Variants in CHRDL2 observed in about 807,000 individuals in gnomAD.
CHRDL2 encodes chordin-like protein 2.
A neutral mutation model predicts 54.3 loss-of-function variants in CHRDL2; 41 were observed. That is an observed-to-expected ratio of 0.76 (90% confidence interval 0.59 to 0.98). The LOEUF is 0.98. CHRDL2 is among the 50% of genes least tolerant of loss of function. The probability of loss-of-function intolerance (pLI) is 0.00; values close to 1 mark genes in which losing one functional copy is unlikely to be tolerated. For missense variants in CHRDL2, 518 were observed against 562.4 expected (o/e 0.92, Z 0.80); for synonymous variants, 220 against 224.3 (o/e 0.98, Z 0.17).
chr11:74,704,860 G>A, intron 6 of CHRDL2: 1 of 597,692 alleles, frequency 1.7e-6, no homozygotes, highest in Non-Finnish European at 2.9e-6. Context: ...AACTCTCAGA[G>A]GATAGTGATT....
In CHRDL2 at chr11:74,718,780, G is replaced by A. The variant is rs200299090; in HGVS notation, c.135C>T (p.Ser45=). The change falls in exon 2 of 11, where the codon AGC becomes AGT. Residue 45 remains serine, a synonymous_variant. Transcript: ENST00000376332. ...FHGKRYSPGE[S]WHPYLEPQGL... ...CTTGTGGCTCCAAGTAGGGGTGCCAGCTCTCGCCGGGGGAGTATCTCTTCC... is the reference window on the plus strand; with the variant it reads ...CTTGTGGCTCCAAGTAGGGGTGCCAACTCTCGCCGGGGGAGTATCTCTTCC... 1 of 1,613,786 alleles carries A rather than the reference G, an allele frequency of 6.2e-7. No homozygotes were observed. The highest frequency in any genetic ancestry group is 2.2e-5 in the East Asian group (1 of 44,866).
chr11:74,698,654 G>A (rs1315942848), intron 9 of CHRDL2: 1 of 150,404 alleles, frequency 6.6e-6, no homozygotes, highest in Non-Finnish European at 1.5e-5. Flanking sequence ...TGGATGGATG[G>A]ATGGATAGAT....
intron 7 of CHRDL2, 79 bp downstream of exon 7, chr11:74,704,407 G>A: frequency 2.1e-6 from 3 of 1,405,118 alleles, no homozygotes; most frequent in Non-Finnish European, 2.9e-6. Context: ...AGAGGGTTCA[G>A]GGGGTTGGGG....
At chr11:74,702,655 G>A in intron 9 of CHRDL2, 139 bp downstream of exon 9, 1 of 754,858 alleles carries the variant, frequency 1.3e-6, no homozygotes, top group South Asian at 1.7e-5. Flanking sequence ...CTGCATCTTG[G>A]AATCAGGGGC....
chr11:74,723,546 A>G (rs1180335341), intron 1 of CHRDL2, among the ~76,000 whole-genome samples: 1 of 152,174 alleles, frequency 6.6e-6, no homozygotes, highest in African/African-American at 2.4e-5. Flanking sequence ...TTTTTACTTA[A>G]AGAAAGCACT....
chr11:74,727,337 C>T (rs576898128), intron 1 of CHRDL2, among the ~76,000 whole-genome samples: 28 of 152,170 alleles, frequency 1.8e-4, no homozygotes, highest in South Asian at 4.2e-4. Context: ...GTCTAGGGTC[C>T]GGAATTCATC....
At chr11:74,702,252 CAA>C (rs11302036) in intron 9 of CHRDL2, among the ~76,000 whole-genome samples, 390 of 141,486 alleles carry the variant, frequency 2.8e-3, no homozygotes, top group East Asian at 7.8e-3. Context: ...GACCCTGTCT[CAA>C]AAAAAAAAAA....
In CHRDL2 at chr11:74,703,509, G is replaced by T. The variant is rs749229986; in HGVS notation, c.752-10C>A. The stretch of plus-strand genomic sequence containing the variant: ...CCGCCATGCACACAGGCTGAATAAG[G>T]AGGGTGAGAAGGAAGGAGGATCAGG... On this transcript the variant is annotated splice_polypyrimidine_tract_variant and intron_variant, in intron 7 of 10. Coordinates refer to ENST00000376332, the MANE Select transcript of CHRDL2 (RefSeq NM_001278473.3). The T allele has an allele frequency of 6.4e-7, 1 of 1,570,852 alleles. No homozygotes were observed. Among genetic ancestry groups the T allele is most frequent in the South Asian group, 1.2e-5 (1 of 85,932 alleles).
intron 1 of CHRDL2, among the ~76,000 whole-genome samples, chr11:74,727,501 C>T (rs940369839): frequency 6.6e-6 from 1 of 152,186 alleles, no homozygotes; most frequent in Admixed American, 6.5e-5. Context: ...ATCTTCTGGG[C>T]TCAAGCAATC....
At chr11:74,717,811 C>A (rs2034402796) in intron 2 of CHRDL2, among the ~76,000 whole-genome samples, 1 of 151,434 alleles carries the variant, frequency 6.6e-6, no homozygotes, top group Admixed American at 6.6e-5. Flanking sequence ...GCTACCCCTC[C>A]CTCCAAGCAC....
At position 74,703,057 on chromosome 11, in the gene CHRDL2, G is replaced by A. The variant is rs2033882600; in HGVS notation, c.947-90C>T. On this transcript the variant is annotated intron_variant, in intron 8 of 10. Transcript: ENST00000376332. ...TATTCTAAAATGTTGTGACTTCATG[G>A]AATCCGGAACATTACTGATTCTATG... The A allele has an allele frequency of 2.3e-6, 3 of 1,321,948 alleles. No homozygotes were observed. In the Admixed American group the frequency reaches 6.7e-5, roughly 30 times the overall value. The allele number at this position is 1,321,948 out of a possible 1,614,324, so 81.9% of individuals were successfully genotyped here. A position where few individuals can be genotyped will look rare whatever the true frequency, so the allele number is the denominator to read the frequency against.
intron 5 of CHRDL2, among the ~76,000 whole-genome samples, chr11:74,707,166 A>G (rs1051800196): frequency 6.6e-5 from 10 of 152,134 alleles, no homozygotes; most frequent in African/African-American, 2.4e-4. Context: ...GATTCCCACC[A>G]ATCATTCCCG....
At chr11:74,715,011 T>C (rs1401982311) in intron 2 of CHRDL2, among the ~76,000 whole-genome samples, 3 of 152,174 alleles carry the variant, frequency 2.0e-5, no homozygotes, top group Non-Finnish European at 4.4e-5. Flanking sequence ...CACTTCGTCT[T>C]CTCAACACCC....
chr11:74,710,786 C>G, intron 4 of CHRDL2, 63 bp downstream of exon 4: 3 of 1,574,096 alleles, frequency 1.9e-6, no homozygotes, highest in Non-Finnish European at 2.6e-6. Context: ...GCAGTCCAGG[C>G]TACTATGTTC....
chr11:74,705,370 C>A (rs901064227), intron 6 of CHRDL2, among the ~76,000 whole-genome samples: 1 of 152,164 alleles, frequency 6.6e-6, no homozygotes, highest in African/African-American at 2.4e-5. Flanking sequence ...CCTATTACCT[C>A]CCTCGCTGAC....
Position 74,730,852 on chromosome 11 carries a change from C to A in CHRDL2, c.37G>T (p.Gly13Ter), listed in dbSNP as rs774290589. ...PEVRVLSSLL[G>*]LALLWFPLDS... ...AGGGGGAACCAGAGCAGCGCGAGTC[C>A]CAGCAAGGAGGAGAGGACCCTCACC... The change falls in exon 1 of 11, where the codon GGA becomes TGA. Residue 13 changes from glycine to a stop codon, truncating the protein, a stop_gained. Coordinates refer to ENST00000376332, the MANE Select transcript of CHRDL2 (RefSeq NM_001278473.3). LOFTEE classifies it high-confidence loss of function. The A allele has an allele frequency of 1.3e-5, 21 of 1,612,750 alleles. No individual in the cohort carries two copies. The Admixed American group carries it at 3.5e-4, about 27-fold the overall frequency.
chr11:74,700,622 T>TTA (rs1554984204), intron 9 of CHRDL2, among the ~76,000 whole-genome samples: 18,953 of 140,098 alleles, frequency 0.14, 1,590 homozygotes, highest in Middle Eastern at 0.21. Flanking sequence ...GAATCTTTTT[T>TTA]TTATTATTAT....
In CHRDL2 at chr11:74,703,339, C is replaced by A. The variant is rs1374750259; in HGVS notation, c.912G>T (p.Glu304Asp). The part of the protein sequence containing the change: ...CPTEYPCRHP[E>D]KVAGKCCKIC... The stretch of plus-strand genomic sequence containing the variant: ...TCTTGCAGCACTTCCCAGCCACTTT[C>A]TCGGGGTGACGGCAGGGGTACTCGG... The change falls in exon 8 of 11, where the codon GAG becomes GAT. Residue 304 changes from glutamate (E) to aspartate (D), a missense_variant. By Grantham distance (45) the Glu-to-Asp change is conservative. Coordinates refer to ENST00000376332, the MANE Select transcript of CHRDL2 (RefSeq NM_001278473.3). 2 of 1,611,586 alleles carry A rather than the reference C, an allele frequency of 1.2e-6. No homozygotes were observed. The highest frequency in any genetic ancestry group is 8.5e-7 in the Non-Finnish European group (1 of 1,178,754).
chr11:74,708,396 C>A lies in CHRDL2; in HGVS notation c.433-1G>T. The A allele has an allele frequency of 6.4e-7, 1 of 1,569,786 alleles. No individual in the cohort carries two copies. The highest frequency in any genetic ancestry group is 1.4e-5 in the African/African-American group (1 of 73,174). ...TGAGGCCGCAGTAGATCTGGCCCTC[C>A]TGACAGATAGAGCAAACCAGCTGGG... is the stretch of plus-strand genomic sequence containing the variant. On this transcript the variant is annotated splice_acceptor_variant, in intron 4 of 10. Transcript: ENST00000376332. LOFTEE classifies it high-confidence loss of function.
Sources: gnomAD v4.1 joint callset for allele counts (sites outside exome capture counted in the v4.1 genomes callset) on GRCh38, gnomAD v4.1.1 for gene constraint, MANE v1.5 for transcripts, NCBI Gene and HGNC (gene_info 2026-07-23, HGNC 2026-07-21) for gene names.